The following NNT variants were observed in gnomAD, a reference collection of about 807,000 sequenced individuals.
The protein encoded by NNT is NAD(P) transhydrogenase, mitochondrial.
A neutral mutation model predicts 104.8 loss-of-function variants in NNT; 50 were observed. That is an observed-to-expected ratio of 0.48 (90% confidence interval 0.38 to 0.60). The LOEUF (loss-of-function observed/expected upper bound fraction) is 0.60, where lower values mean the gene tolerates loss of function less well. NNT is among the 20% of genes least tolerant of loss of function. The pLI, the probability that NNT is intolerant of heterozygous loss-of-function variation, is 0.00. For missense variants in NNT, 1,131 were observed against 1,330.7 expected (o/e 0.85, Z 2.33); for synonymous variants, 461 against 490.4 (o/e 0.94, Z 0.79).
upstream of NNT, chr5:43,602,802 C>G (rs971825992): frequency 6.6e-6 from 1 of 152,214 alleles, no homozygotes; most frequent in Non-Finnish European, 1.5e-5. Flanking sequence ...TGATGGGACC[C>G]CAGAGAGGAC....
intron 6 of NNT, among the ~76,000 whole-genome samples, chr5:43,625,695 C>T (rs148663496): frequency 4.6e-5 from 7 of 152,090 alleles, no homozygotes; most frequent in Admixed American, 2.0e-4. Flanking sequence ...AGATACCCCT[C>T]TTAGCAATAG....
intron 10 of NNT, chr5:43,648,031 C>T: frequency 8.6e-7 from 1 of 1,159,342 alleles, no homozygotes; most frequent in Non-Finnish European, 1.1e-6. Context: ...AACCAGGATT[C>T]AAACCAGACT....
At chr5:43,689,356 G>T (rs928691933) in intron 19 of NNT, among the ~76,000 whole-genome samples, 2 of 152,150 alleles carry the variant, frequency 1.3e-5, no homozygotes, top group African/African-American at 4.8e-5. Flanking sequence ...GAACTCTGTT[G>T]ATTATTATTA....
intron 19 of NNT, among the ~76,000 whole-genome samples, chr5:43,685,863 C>T (rs1021392459): frequency 3.9e-5 from 6 of 152,068 alleles, no homozygotes; most frequent in African/African-American, 1.4e-4. Context: ...CCCTTTAAAA[C>T]ATGTGGTATC....
At chr5:43,694,975 A>G (rs889841678) in intron 19 of NNT, among the ~76,000 whole-genome samples, 1 of 151,846 alleles carries the variant, frequency 6.6e-6, no homozygotes, top group Non-Finnish European at 1.5e-5. Flanking sequence ...TACTGATTCA[A>G]TTTCTTTATT....
At chr5:43,646,224 T>A (rs1233815037) in intron 10 of NNT, among the ~76,000 whole-genome samples, 1 of 152,138 alleles carries the variant, frequency 6.6e-6, no homozygotes, top group Non-Finnish European at 1.5e-5. Flanking sequence ...ATGCAGACAA[T>A]AAACATTTTT....
intron 7 of NNT, among the ~76,000 whole-genome samples, chr5:43,638,262 G>T (rs574040318): frequency 6.6e-6 from 1 of 152,038 alleles, no homozygotes; most frequent in Admixed American, 6.6e-5. Flanking sequence ...ACCCAGTCTC[G>T]GCCAGCAATT....
At position 43,705,343 on chromosome 5, in the gene NNT, T is replaced by C. The variant is rs1379369038; in HGVS notation, c.*939T>C. On this transcript the variant is annotated 3_prime_UTR_variant, in exon 22 of 22. Coordinates refer to ENST00000344920, the MANE Select transcript of NNT (RefSeq NM_182977.3). ...ATGAAATAGATGACATTAATCTGTC[T>C]TCACTGTTTATAATACGGATGGATT... The C allele has an allele frequency of 2.6e-5, 4 of 152,108 alleles. No individual in the cohort carries two copies. The East Asian group carries it at 7.7e-4, about 29-fold the overall frequency. 9.4% of individuals were successfully genotyped at this position (152,108 alleles called of 1,614,324 possible). A position where few individuals can be genotyped will look rare whatever the true frequency, so the allele number is the denominator to read the frequency against.
At chr5:43,679,294 G>A (rs890592158) in intron 19 of NNT, among the ~76,000 whole-genome samples, 7 of 152,152 alleles carry the variant, frequency 4.6e-5, no homozygotes, top group African/African-American at 7.2e-5. Context: ...TAATGTATTC[G>A]TAATGCCCTC....
At chr5:43,650,356 T>A (rs1739689750) in intron 11 of NNT, 121 bp from the exon 12 acceptor site, 2 of 640,784 alleles carry the variant, frequency 3.1e-6, no homozygotes, top group African/African-American at 3.6e-5. Context: ...GAAAGCTGCC[T>A]TGTTTTTTAA....
chr5:43,611,684 TCTTA>T (rs777578182), intron 2 of NNT, among the ~76,000 whole-genome samples: 15 of 152,208 alleles, frequency 9.9e-5, no homozygotes, highest in Non-Finnish European at 1.9e-4. Context: ...TTCTCTAAGG[TCTTA>T]CTTAATAAGT....
intron 19 of NNT, among the ~76,000 whole-genome samples, chr5:43,692,193 AT>A (rs71610329): frequency 0.15 from 22,646 of 150,960 alleles, 2,507 homozygotes; most frequent in African/African-American, 0.31. Context: ...AAAAGTTTTA[AT>A]TTTTTTTTTC....
At chr5:43,666,051 C>G (rs909103752) in intron 17 of NNT, among the ~76,000 whole-genome samples, 2 of 151,628 alleles carry the variant, frequency 1.3e-5, no homozygotes, top group Non-Finnish European at 2.9e-5. Flanking sequence ...CGGGCAGAGA[C>G]GCTCCTCACT....
chr5:43,634,187 G>A (rs540070459), intron 7 of NNT, among the ~76,000 whole-genome samples: 2 of 152,246 alleles, frequency 1.3e-5, no homozygotes, highest in African/African-American at 4.8e-5. Flanking sequence ...GGAGAATTGG[G>A]TGGGAGGTGT....
intron 17 of NNT, among the ~76,000 whole-genome samples, chr5:43,665,798 G>A (rs1243586986): frequency 7.9e-6 from 1 of 127,008 alleles, no homozygotes; most frequent in Non-Finnish European, 1.9e-5. Context: ...CCCAGACGGG[G>A]CAGCCAGGCA....
Position 43,603,306 on chromosome 5 carries a change from G to C in NNT, c.-54+12G>C, listed in dbSNP as rs1209144859. The C allele has an allele frequency of 6.6e-6, 1 of 152,600 alleles. No individual in the cohort carries two copies. Among genetic ancestry groups the C allele is most frequent in the Non-Finnish European group, 1.5e-5 (1 of 68,358 alleles). 9.5% of individuals were successfully genotyped at this position (152,600 alleles called of 1,614,324 possible). On this transcript the variant is annotated intron_variant, in intron 1 of 21. Transcript: ENST00000344920. ...GCCTCCCGGCCCAGGTGAGCGCGACGGCACTGGCGGGTGCGGGCAGCCGGG... is the reference window on the plus strand; with the variant it reads ...GCCTCCCGGCCCAGGTGAGCGCGACCGCACTGGCGGGTGCGGGCAGCCGGG...
intron 16 of NNT, among the ~76,000 whole-genome samples, chr5:43,657,622 A>G (rs1740127976): frequency 1.3e-5 from 2 of 152,232 alleles, no homozygotes; most frequent in Admixed American, 6.5e-5. Context: ...TGTAAAAATG[A>G]TACTTATTTT....
At chr5:43,634,385 T>C (rs1386051160) in intron 7 of NNT, among the ~76,000 whole-genome samples, 1 of 152,224 alleles carries the variant, frequency 6.6e-6, no homozygotes, top group Non-Finnish European at 1.5e-5. Context: ...CTATACTCTC[T>C]AGTTGTGTAA....
intron 2 of NNT, 22 bp downstream of exon 2, chr5:43,609,368 T>C (rs373469179): frequency 3.1e-6 from 5 of 1,611,286 alleles, no homozygotes; most frequent in Non-Finnish European, 4.2e-6. Flanking sequence ...CTTCAGTGAT[T>C]GTAAATGAAA....
Sources: gnomAD v4.1 joint callset for allele counts (sites outside exome capture counted in the v4.1 genomes callset) on GRCh38, gnomAD v4.1.1 for gene constraint, MANE v1.5 for transcripts, NCBI Gene and HGNC (gene_info 2026-07-23, HGNC 2026-07-21) for gene names.